TIMP2: variants seen among roughly 807,000 people sequenced by gnomAD.
TIMP2 encodes metalloproteinase inhibitor 2.
TIMP2 carries 5 observed loss-of-function variants against 24.3 expected under a neutral mutation model. That is an observed-to-expected ratio of 0.21 (90% CI 0.11 to 0.43). The LOEUF (loss-of-function observed/expected upper bound fraction) is 0.43, where lower values mean the gene tolerates loss of function less well. Ranked by LOEUF, TIMP2 falls within the 20% of genes least tolerant of loss-of-function variation. The pLI is 1.00. For synonymous variants in TIMP2, 130 were observed against 123.2 expected (o/e 1.06, Z -0.37); for missense variants, 221 against 297.5 (o/e 0.74, Z 1.89).
chr17:78,896,134 A>G lies in TIMP2; in HGVS notation c.131-22215T>C, dbSNP rs1045162401. Among the ~76,000 whole-genome samples the G allele has an allele frequency of 7.2e-5, 11 of 152,202 alleles. No individual in the cohort carries two copies. Among genetic ancestry groups the G allele is most frequent in the African/African-American group, 2.7e-4 (11 of 41,452 alleles). ...AATCGATCCCCGCTCTGACACCATCAGATGCAACCTCGTCCCCGCTACCCC... is the reference window on the plus strand; with the variant it reads ...AATCGATCCCCGCTCTGACACCATCGGATGCAACCTCGTCCCCGCTACCCC... On this transcript the variant is annotated intron_variant, in intron 1 of 4. Transcript: ENST00000262768. The surrounding 1 kb of genome is among the most constrained non-coding windows in gnomAD (Gnocchi z 4.4).
At chr17:78,902,948 C>T (rs1315293658) in intron 1 of TIMP2, among the ~76,000 whole-genome samples, 1 of 152,222 alleles carries the variant, frequency 6.6e-6, no homozygotes, top group African/African-American at 2.4e-5. Context: ...TGGGGAGCCC[C>T]GTGGTGCAGG....
rs572364332 is a variant in TIMP2, at chr17:78,855,903, C to T, written c.466-39G>A. 6.2e-7 allele frequency: 1 copy of T among 1,608,562 alleles called. No individual in the cohort carries two copies. The highest frequency in any genetic ancestry group is 1.3e-5 in the African/African-American group (1 of 74,912). On this transcript the variant is annotated intron_variant, in intron 4 of 4. Coordinates refer to ENST00000262768, the MANE Select transcript of TIMP2 (RefSeq NM_003255.5). The surrounding 1 kb of genome is among the most constrained non-coding windows in gnomAD (Gnocchi z 6.0). ...CACGGAGGGGGACGGAGTCAGGGAC[C>T]CAGGAAGGGGTGGGCAGAGGCTGCT...
At chr17:78,911,737 T>G (rs2070209968) in intron 1 of TIMP2, among the ~76,000 whole-genome samples, 1 of 152,010 alleles carries the variant, frequency 6.6e-6, no homozygotes, top group South Asian at 2.1e-4. Context: ...GGCCTCCATT[T>G]GACTCACTCA....
At chr17:78,909,388 A>T (rs944272261) in intron 1 of TIMP2, among the ~76,000 whole-genome samples, 1 of 151,260 alleles carries the variant, frequency 6.6e-6, no homozygotes, top group African/African-American at 2.4e-5. Flanking sequence ...CAAGGAGCCC[A>T]CCTGTCCCCA....
rs2069502929 is a variant in TIMP2, at chr17:78,853,843, A to T, written c.*1824T>A. 1 of 152,614 alleles carries T rather than the reference A, an allele frequency of 6.6e-6. No individual in the cohort carries two copies. The highest frequency in any genetic ancestry group is 1.5e-5 in the Non-Finnish European group (1 of 68,056). 9.5% of individuals were successfully genotyped at this position (152,614 alleles called of 1,614,324 possible). On this transcript the variant is annotated 3_prime_UTR_variant, in exon 5 of 5. Coordinates refer to ENST00000262768, the MANE Select transcript of TIMP2 (RefSeq NM_003255.5). ...GTTACATATGATATCACCATACAGGAAGCGAACAGGGGTGGGGTGTTATAT... is the reference window on the plus strand; with the variant it reads ...GTTACATATGATATCACCATACAGGTAGCGAACAGGGGTGGGGTGTTATAT...
chr17:78,857,491 C>T (rs376478114), intron 4 of TIMP2, 31 bp downstream of exon 4: 44 of 1,613,336 alleles, frequency 2.7e-5, no homozygotes, highest in East Asian at 6.7e-5. Context: ...TGGGAGGAGG[C>T]GATGCTCCAG....
In TIMP2 at chr17:78,855,653, C is replaced by T. The variant is rs766341437; in HGVS notation, c.*14G>A. On this transcript the variant is annotated 3_prime_UTR_variant, in exon 5 of 5. Coordinates refer to ENST00000262768, the MANE Select transcript of TIMP2 (RefSeq NM_003255.5). This position sits in a 1 kb window ranked among gnomAD's most constrained non-coding sequence, Gnocchi z 6.0. The stretch of plus-strand genomic sequence containing the variant: ...CTTTTTTTGCAGTTGGCCACAGGGG[C>T]GTTGGAGGCCTGCTTATGGGTCCTC... 1.2e-5 allele frequency: 20 copies of T among 1,612,372 alleles called. No individual in the cohort carries two copies. The highest frequency in any genetic ancestry group is 3.3e-5 in the South Asian group (3 of 91,080).
At chr17:78,911,901 A>C (rs867939224) in intron 1 of TIMP2, among the ~76,000 whole-genome samples, 11,428 of 151,246 alleles carry the variant, frequency 0.076, 490 homozygotes, top group Middle Eastern at 0.13. Context: ...CACCAAAAAA[A>C]AAAAAAAAAA....
chr17:78,868,094 T>C (rs976571475), intron 3 of TIMP2, among the ~76,000 whole-genome samples: 1 of 152,144 alleles, frequency 6.6e-6, no homozygotes, highest in Non-Finnish European at 1.5e-5. Flanking sequence ...TAAGCACACA[T>C]TGATTTTTAG....
rs554596879 is a variant in TIMP2, at chr17:78,884,211, G to A, written c.131-10292C>T. On this transcript the variant is annotated intron_variant, in intron 1 of 4. Transcript: ENST00000262768. ...TGCAACCCGCCCCCCTACAACAGAT[G>A]AGCAGGGGGCCAGGGTGACAACTCC... is the stretch of plus-strand genomic sequence containing the variant. 1.3e-4 allele frequency among the ~76,000 whole-genome samples: 20 copies of A among 152,318 alleles called. No homozygotes were observed. In the East Asian group the frequency reaches 2.7e-3, roughly 21 times the overall value.
intron 3 of TIMP2, among the ~76,000 whole-genome samples, chr17:78,866,585 A>C: frequency 6.7e-6 from 1 of 148,632 alleles, no homozygotes; most frequent in Non-Finnish European, 1.5e-5. Flanking sequence ...GCAAAATCTC[A>C]CACACCAATG....
In TIMP2 at chr17:78,891,178, C is replaced by T. The variant is rs760460167; in HGVS notation, c.131-17259G>A. ...ACAATGTTTGACTTCCATTTCTAAA[C>T]GTGGGCTTGACCGTGCCCTGATATT... On this transcript the variant is annotated intron_variant, in intron 1 of 4. Transcript: ENST00000262768. This position sits in a 1 kb window ranked among gnomAD's most constrained non-coding sequence, Gnocchi z 4.5. The T allele has an allele frequency of 2.3e-5, 36 of 1,550,540 alleles. No homozygotes were observed. The South Asian group carries it at 3.3e-4, about 14-fold the overall frequency.
intron 1 of TIMP2, among the ~76,000 whole-genome samples, chr17:78,909,722 G>A (rs1045185338): frequency 3.3e-5 from 5 of 152,106 alleles, no homozygotes; most frequent in African/African-American, 1.2e-4. Context: ...TGCTCTAGAC[G>A]TGCAGCGTCA....
intron 1 of TIMP2, among the ~76,000 whole-genome samples, chr17:78,911,393 A>G (rs1174449063): frequency 6.6e-6 from 1 of 151,956 alleles, no homozygotes; most frequent in African/African-American, 2.4e-5. Flanking sequence ...CAAACTAACT[A>G]ACTATTGAGC....
chr17:78,885,800 C>T (rs564556633), intron 1 of TIMP2, among the ~76,000 whole-genome samples: 9 of 152,288 alleles, frequency 5.9e-5, no homozygotes, highest in Admixed American at 6.5e-5. Flanking sequence ...GCTCCAACCC[C>T]GGCAGTAGGG....
chr17:78,910,997 A>T (rs2070201811), intron 1 of TIMP2, among the ~76,000 whole-genome samples: 2 of 152,092 alleles, frequency 1.3e-5, no homozygotes, highest in Non-Finnish European at 2.9e-5. Flanking sequence ...GGACTGCTGG[A>T]TCATATGGCC....
intron 1 of TIMP2, chr17:78,904,345 T>C (rs2070137869): frequency 1.3e-5 from 2 of 152,060 alleles, no homozygotes; most frequent in Admixed American, 1.3e-4. Context: ...AATCATGATT[T>C]GGGTCCGAAG....
rs368210736 is a variant in TIMP2 at position 78,857,625 on chromosome 17, T to C, written c.362A>G (p.Lys121Arg). 35 of 1,614,080 alleles carry C rather than the reference T, an allele frequency of 2.2e-5. No homozygotes were observed. Among genetic ancestry groups the C allele is most frequent in the African/African-American group, 2.7e-5 (2 of 74,938 alleles). Reference sequence around the variant, plus strand: ...GAAGTCACAGAGGGTGATGTGCATCTTGCCGTCCCCCTCGGCCTTTCCTGC... The same window carrying C: ...GAAGTCACAGAGGGTGATGTGCATCCTGCCGTCCCCCTCGGCCTTTCCTGC... The part of the protein sequence containing the change: ...LIAGKAEGDG[K>R]MHITLCDFIV... Residue 121 changes from lysine to arginine, a missense_variant, in exon 4 of 5, where the codon AAG (lysine) becomes AGG (arginine). Physicochemically the swap from Lys to Arg is conservative, Grantham distance 26. Transcript: ENST00000262768.
chr17:78,902,462 C>T (rs139016248), intron 1 of TIMP2, among the ~76,000 whole-genome samples: 107 of 152,260 alleles, frequency 7.0e-4, no homozygotes, highest in African/African-American at 2.4e-3. Context: ...GGGTGGGTCA[C>T]GTTAGAATGA....
Sources: gnomAD v4.1 joint callset for allele counts (sites outside exome capture counted in the v4.1 genomes callset) on GRCh38, gnomAD v4.1.1 for gene constraint, Gnocchi (gnomAD v3.1) non-coding constraint, MANE v1.5 for transcripts, NCBI Gene and HGNC (gene_info 2026-07-23, HGNC 2026-07-21) for gene names.